Variants in ZDHHC21 observed in about 807,000 individuals in gnomAD.
The protein encoded by ZDHHC21 is zDHHC palmitoyltransferase 21, also known as palmitoyltransferase ZDHHC21.
A neutral mutation model predicts 34.6 loss-of-function variants in ZDHHC21; 15 were observed. The ratio of observed to expected loss-of-function variants is 0.43; its 90% confidence interval spans 0.29 to 0.67. The LOEUF is 0.67. Ranked by LOEUF, ZDHHC21 falls within the 30% of genes least tolerant of loss-of-function variation. The pLI is 0.14. For missense variants in ZDHHC21, 344 were observed against 327.7 expected (o/e 1.05, Z -0.38); for synonymous variants, 142 against 101.8 (o/e 1.40, Z -2.38).
Position 14,674,396 on chromosome 9 carries a change from G to A in ZDHHC21, c.-45-11C>T. 3 of 1,496,202 alleles carry A rather than the reference G, an allele frequency of 2.0e-6. No homozygotes were observed. Among genetic ancestry groups the A allele is most frequent in the Middle Eastern group, 1.7e-4 (1 of 5,800 alleles). 92.7% of individuals were successfully genotyped at this position (1,496,202 alleles called of 1,614,324 possible). A position where few individuals can be genotyped will look rare whatever the true frequency, so the allele number is the denominator to read the frequency against. On this transcript the variant is annotated splice_polypyrimidine_tract_variant and intron_variant, in intron 3 of 9. Coordinates refer to ENST00000380916, the MANE Select transcript of ZDHHC21 (RefSeq NM_178566.6). ...CAAGGAAGGATGATCCTAAGGAGAAGGAACAAAGAAAATAATTACTTACAT... is the reference window on the plus strand; with the variant it reads ...CAAGGAAGGATGATCCTAAGGAGAAAGAACAAAGAAAATAATTACTTACAT...
chr9:14,686,641 T>A (rs1055842299), intron 2 of ZDHHC21, among the ~76,000 whole-genome samples: 1 of 152,212 alleles, frequency 6.6e-6, no homozygotes, highest in African/African-American at 2.4e-5. Flanking sequence ...GTGGGCTCCT[T>A]GGTTGCACCT....
intron 8 of ZDHHC21, among the ~76,000 whole-genome samples, chr9:14,626,162 A>T (rs2133514730): frequency 6.6e-6 from 1 of 152,156 alleles, no homozygotes; most frequent in East Asian, 1.9e-4. Context: ...TAGTAGAAAT[A>T]AGATGGGCAT....
At chr9:14,592,181 T>C in the ZDHHC21 span, among the ~76,000 whole-genome samples, 2 of 152,094 alleles carry the variant, frequency 1.3e-5, no homozygotes, top group Non-Finnish European at 2.9e-5. Flanking sequence ...TTAATTCCTC[T>C]ATTGATTTTA....
At position 14,619,017 on chromosome 9, in the gene ZDHHC21, G is replaced by C. The variant is rs1338611473; in HGVS notation, c.747C>G (p.Phe249Leu). 6 of 1,612,162 alleles carry C rather than the reference G, an allele frequency of 3.7e-6. No individual in the cohort carries two copies. Among genetic ancestry groups the C allele is most frequent in the Non-Finnish European group, 5.1e-6 (6 of 1,178,978 alleles). Residue 249 changes from phenylalanine to leucine, a missense_variant, in exon 10 of 10, where the codon TTC becomes TTG. Transcript: ENST00000380916. ...TRWKILWFIPFRQRQPLRVPY... is the reference protein window; with the variant it reads ...TRWKILWFIPLRQRQPLRVPY... The stretch of plus-strand genomic sequence containing the variant: ...GAACTCGCAGTGGTTGCCTCTGCCT[G>C]AAAGGAATGAACCACAGGATCTTCC...
chr9:14,617,021 TG>T lies in ZDHHC21; in HGVS notation c.*1944del, dbSNP rs1586862336. On this transcript the variant is annotated 3_prime_UTR_variant, in exon 10 of 10. Transcript: ENST00000380916. ...CAAAGTTCTTTAGGTGATCTTCACT[TG>T]GCTCTGCTGTTTTCTCAAGGTCTTT... 1 of 151,926 alleles carries T rather than the reference TG, an allele frequency of 6.6e-6. No individual in the cohort carries two copies. Among genetic ancestry groups the T allele is most frequent in the East Asian group, 1.9e-4 (1 of 5,164 alleles). 9.4% of individuals were successfully genotyped at this position (151,926 alleles called of 1,614,324 possible). A position where few individuals can be genotyped will look rare whatever the true frequency, so the allele number is the denominator to read the frequency against.
At chr9:14,681,299 G>A (rs1041423288) in intron 2 of ZDHHC21, among the ~76,000 whole-genome samples, 19 of 152,156 alleles carry the variant, frequency 1.2e-4, no homozygotes, top group African/African-American at 4.1e-4. Context: ...TCCCAGGTGC[G>A]ATCCTAGCAC....
chr9:14,677,126 A>T (rs934606039), intron 3 of ZDHHC21, among the ~76,000 whole-genome samples: 2 of 152,044 alleles, frequency 1.3e-5, no homozygotes, highest in Non-Finnish European at 2.9e-5. Flanking sequence ...TCTCACAGCA[A>T]CAAAAAATTA....
At chr9:14,604,143 A>G in the ZDHHC21 span, among the ~76,000 whole-genome samples, 1 of 152,174 alleles carries the variant, frequency 6.6e-6, no homozygotes, top group African/African-American at 2.4e-5. Context: ...AAGATGAAAC[A>G]ATATATATGT....
chr9:14,674,116 G>T, intron 4 of ZDHHC21, 71 bp downstream of exon 4: 1 of 977,836 alleles, frequency 1.0e-6, no homozygotes, highest in Non-Finnish European at 1.4e-6. Flanking sequence ...TTATCATAGT[G>T]GCACTACACC....
At chr9:14,622,887 T>C (rs1365086900) in intron 8 of ZDHHC21, among the ~76,000 whole-genome samples, 1 of 152,150 alleles carries the variant, frequency 6.6e-6, no homozygotes, top group Non-Finnish European at 1.5e-5. Flanking sequence ...CAGTTCAATC[T>C]AACCTCAATT....
intron 7 of ZDHHC21, among the ~76,000 whole-genome samples, chr9:14,641,929 A>G (rs1829450031): frequency 6.6e-6 from 1 of 152,220 alleles, no homozygotes; most frequent in Admixed American, 6.5e-5. Flanking sequence ...GGTTTTACAC[A>G]GTGAGGTGAT....
chr9:14,678,073 T>G (rs976373950), intron 3 of ZDHHC21, among the ~76,000 whole-genome samples: 1 of 152,128 alleles, frequency 6.6e-6, no homozygotes, highest in Admixed American at 6.6e-5. Flanking sequence ...GTCTGAAATG[T>G]GCCTACCATT....
chr9:14,597,388 G>A, the ZDHHC21 span, among the ~76,000 whole-genome samples: 1 of 152,088 alleles, frequency 6.6e-6, no homozygotes, highest in Non-Finnish European at 1.5e-5. Flanking sequence ...TACATCCCAG[G>A]GAATGGACAG....
chr9:14,600,070 G>C, the ZDHHC21 span, among the ~76,000 whole-genome samples: 6 of 152,310 alleles, frequency 3.9e-5, no homozygotes, highest in Non-Finnish European at 7.3e-5. Context: ...GCAAAAGCTG[G>C]AAGCATTCCC....
chr9:14,610,816 TCATCTCTAAGATAAA>T (rs1823196178), downstream of ZDHHC21, among the ~76,000 whole-genome samples: 1 of 152,062 alleles, frequency 6.6e-6, no homozygotes. Context: ...GCCATCTGCG[TCATCTCTAAGATAAA>T]CATGCCTAAC....
At chr9:14,686,776 G>A (rs1169850050) in intron 2 of ZDHHC21, among the ~76,000 whole-genome samples, 1 of 146,904 alleles carries the variant, frequency 6.8e-6, no homozygotes, top group East Asian at 1.9e-4. Context: ...AGTTCAAGAC[G>A]AGCCTGGCAA....
intron 8 of ZDHHC21, among the ~76,000 whole-genome samples, chr9:14,628,160 G>C (rs947739181): frequency 6.6e-6 from 1 of 152,114 alleles, no homozygotes; most frequent in African/African-American, 2.4e-5. Flanking sequence ...CTATTTAACA[G>C]AAACATCTGG....
intron 8 of ZDHHC21, among the ~76,000 whole-genome samples, chr9:14,630,987 G>C (rs1827244127): frequency 6.6e-6 from 1 of 152,196 alleles, no homozygotes; most frequent in Non-Finnish European, 1.5e-5. Flanking sequence ...AATGGCAAAT[G>C]AGCACTGGCT....
At position 14,681,788 on chromosome 9, in the gene ZDHHC21, G is replaced by T. The variant is rs1165672888; in HGVS notation, c.-175-1626C>A. 2.0e-5 allele frequency among the ~76,000 whole-genome samples: 3 copies of T among 151,394 alleles called. No homozygotes were observed. The East Asian group carries it at 5.8e-4, about 29-fold the overall frequency. On this transcript the variant is annotated intron_variant, in intron 2 of 9. Coordinates refer to ENST00000380916, the MANE Select transcript of ZDHHC21 (RefSeq NM_178566.6). ...GGGTGGGGTAGTGACACTTAAGACAGGAGGCATACTAAAAATGGGCAGATC... is the reference window on the plus strand; with the variant it reads ...GGGTGGGGTAGTGACACTTAAGACATGAGGCATACTAAAAATGGGCAGATC...
Sources: gnomAD v4.1 joint callset for allele counts (sites outside exome capture counted in the v4.1 genomes callset) on GRCh38, gnomAD v4.1.1 for gene constraint, MANE v1.5 for transcripts, NCBI Gene and HGNC (gene_info 2026-07-23, HGNC 2026-07-21) for gene names.